The following GLB1L variants were observed in gnomAD, a reference collection of about 807,000 sequenced individuals.
The protein encoded by GLB1L is beta-galactosidase-1-like protein.
Under a neutral mutation model 75.7 loss-of-function variants are expected in GLB1L, and 58 were observed. The observed-to-expected ratio is 0.77, with a 90% CI of 0.62 to 0.95. GLB1L has a LOEUF of 0.95. Ranked by LOEUF, GLB1L falls within the 40% of genes least tolerant of loss-of-function variation. GLB1L has a pLI of 0.00. For synonymous variants in GLB1L, 296 were observed against 303.0 expected, an observed-to-expected ratio of 0.98 and a Z score of 0.24; for missense variants, 797 against 805.5, an observed-to-expected ratio of 0.99 and a Z score of 0.13.
chr2:219,238,540 C>T lies in GLB1L; in HGVS notation c.1182G>A (p.Gly394=). The change falls in exon 13 of 17, where the codon GGG becomes GGA. Residue 394 remains glycine, a synonymous_variant. Transcript: ENST00000295759. ...LAFLDLLCPR[G]PIHSILPMTF... ...TCATTGGCAAGATTGAATGAATGGG[C>T]CCACGGGGGCAAAGCAAGTCTAGGA... 1 of 1,614,094 alleles carries T rather than the reference C, an allele frequency of 6.2e-7. No homozygotes were observed. Among genetic ancestry groups the T allele is most frequent in the South Asian group, 1.1e-5 (1 of 91,090 alleles).
chr2:219,238,992 C>G lies in GLB1L; in HGVS notation c.1062+100G>C, dbSNP rs538807590. On this transcript the variant is annotated intron_variant, in intron 11 of 16. Transcript: ENST00000295759. ...GGGATGCTCAGAAGGCTCTGTGGCC[C>G]AGACAATAACCACCAATTTATGGGA... The G allele has an allele frequency of 3.3e-5, 31 of 940,146 alleles. No homozygotes were observed. In the African/African-American group the frequency reaches 4.4e-4, roughly 13 times the overall value. The allele number at this position is 940,146 out of a possible 1,614,324, so 58.2% of individuals were successfully genotyped here.
chr2:219,236,971 G>A lies in GLB1L; in HGVS notation c.*101C>T, dbSNP rs1057358044. On this transcript the variant is annotated 3_prime_UTR_variant, in exon 17 of 17. Transcript: ENST00000295759. ...AGTGGAGACGGGGTTTCACCATGTTGGCCAGGCTGGTCTTGAAGTCCTGAC... is the reference window on the plus strand; with the variant it reads ...AGTGGAGACGGGGTTTCACCATGTTAGCCAGGCTGGTCTTGAAGTCCTGAC... The A allele has an allele frequency of 4.9e-6, 4 of 814,866 alleles. No individual in the cohort carries two copies. In the South Asian group the frequency reaches 6.7e-5, roughly 14 times the overall value. 50.5% of individuals were successfully genotyped at this position (814,866 alleles called of 1,614,324 possible).
In GLB1L at chr2:219,238,745, G is replaced by A. The variant is rs150309380; in HGVS notation, c.1097C>T (p.Pro366Leu). 9.9e-6 allele frequency: 16 copies of A among 1,613,852 alleles called. No homozygotes were observed. The highest frequency in any genetic ancestry group is 6.6e-5 in the South Asian group (6 of 91,036). ...QEVPLGPLPP[P>L]SPKMMLGPVT... ...AGGTCCAAGCATCATCTTGGGGCTC[G>A]GGGGAGGTAAAGGTCCCAAAGGAAC... The change falls in exon 12 of 17, where the codon CCG becomes CTG. Residue 366 changes from proline to leucine, a missense_variant. Pro to Leu is a moderately conservative substitution (Grantham distance 98, BLOSUM62 -3). Transcript: ENST00000295759.
chr2:219,243,656 G>T lies in GLB1L; in HGVS notation c.-70-13C>A. 1.4e-6 allele frequency: 2 copies of T among 1,442,742 alleles called. No homozygotes were observed. The highest frequency in any genetic ancestry group is 1.9e-6 in the Non-Finnish European group (2 of 1,029,454). 89.4% of individuals were successfully genotyped at this position (1,442,742 alleles called of 1,614,324 possible). A position where few individuals can be genotyped will look rare whatever the true frequency, so the allele number is the denominator to read the frequency against. On this transcript the variant is annotated splice_polypyrimidine_tract_variant and intron_variant, in intron 1 of 16. Transcript: ENST00000295759. ...CCTGGGAGGGAACCTCAGCGAGCAA[G>T]GGGGCGGAAACCACCTCAAGTTGCC...
Position 219,241,424 on chromosome 2 carries a change from G to A in GLB1L, c.451+1090C>T, listed in dbSNP as rs1281017043. Among the ~76,000 whole-genome samples, 6 of 96,072 alleles carry A rather than the reference G, an allele frequency of 6.2e-5. 1 individual carries two copies. Among genetic ancestry groups the A allele is most frequent in the East Asian group, 5.0e-4 (1 of 1,994 alleles). The allele number at this position is 96,072 out of a possible 152,430, so 63.0% of individuals were successfully genotyped here. ...ATAATATATATATATGTGTGTGTGTGTGTGTGTGTGTGTGTGTGTATATAT... is the reference window on the plus strand; with the variant it reads ...ATAATATATATATATGTGTGTGTGTATGTGTGTGTGTGTGTGTGTATATAT... On this transcript the variant is annotated intron_variant, in intron 5 of 16. Coordinates refer to ENST00000295759, the MANE Select transcript of GLB1L (RefSeq NM_001286423.2).
intron 11 of GLB1L, 67 bp from the exon 12 acceptor site, chr2:219,238,846 G>A: frequency 5.7e-6 from 8 of 1,403,650 alleles, no homozygotes; most frequent in African/African-American, 1.4e-5. Context: ...CAAGACTCTA[G>A]GGCAGAGTTC....
At chr2:219,241,432 G>GTA (rs1215197601) in intron 5 of GLB1L, among the ~76,000 whole-genome samples, 5 of 68,848 alleles carry the variant, frequency 7.3e-5, no homozygotes, top group South Asian at 4.2e-4. Flanking sequence ...GTGTGTGTGT[G>GTA]TGTGTGTGTG....
chr2:219,239,960 G>C lies in GLB1L; in HGVS notation c.681C>G (p.Gly227=). The change falls in exon 7 of 17, where the codon GGC becomes GGG. Residue 227 remains glycine (G), a synonymous_variant. Transcript: ENST00000295759. ...CAGTGGTATAGAGTCCCCGGAGGGAGCCACACTTGAGTCCTTCAGGCCCAT... is the reference window on the plus strand; with the variant it reads ...CAGTGGTATAGAGTCCCCGGAGGGACCCACACTTGAGTCCTTCAGGCCCAT... ...TTDGPEGLKC[G]SLRGLYTTVD... 6.2e-7 allele frequency: 1 copy of C among 1,614,112 alleles called. No individual in the cohort carries two copies. The highest frequency in any genetic ancestry group is 8.5e-7 in the Non-Finnish European group (1 of 1,180,042).
In GLB1L at chr2:219,243,649, C is replaced by G; in HGVS notation, c.-70-6G>C. ...TCGGATTCCTGGGAGGGAACCTCAGCGAGCAAGGGGGCGGAAACCACCTCA... is the reference window on the plus strand; with the variant it reads ...TCGGATTCCTGGGAGGGAACCTCAGGGAGCAAGGGGGCGGAAACCACCTCA... On this transcript the variant is annotated splice_polypyrimidine_tract_variant and splice_region_variant and intron_variant, in intron 1 of 16. Transcript: ENST00000295759. 1.3e-6 allele frequency: 2 copies of G among 1,487,932 alleles called. No individual in the cohort carries two copies. Among genetic ancestry groups the G allele is most frequent in the Non-Finnish European group, 1.9e-6 (2 of 1,068,604 alleles). The allele number at this position is 1,487,932 out of a possible 1,614,324, so 92.2% of individuals were successfully genotyped here.
rs1404911873 is a variant in GLB1L at position 219,239,206 on chromosome 2, G to C, written c.948C>G (p.Ala316=). The C allele has an allele frequency of 1.9e-6, 3 of 1,608,058 alleles. No homozygotes were observed. The highest frequency in any genetic ancestry group is 2.6e-6 in the Non-Finnish European group (3 of 1,176,280). The change falls in exon 11 of 17, where the codon GCC becomes GCG. Residue 316 remains alanine, a synonymous_variant. Coordinates refer to ENST00000295759, the MANE Select transcript of GLB1L (RefSeq NM_001286423.2). ...GGTNFGYWNG[A]DKKGRFLPIT... The stretch of plus-strand genomic sequence containing the variant: ...TCGGAAGGAAGCGTCCCTTCTTATC[G>C]GCACCTGAAGTTGAGCCAATTTAAT...
chr2:219,239,431 G>T lies in GLB1L; in HGVS notation c.923C>A (p.Thr308Asn). Residue 308 changes from threonine (T) to asparagine (N), a missense_variant, in exon 10 of 17, where the codon ACC (threonine) becomes AAC (asparagine). Physicochemically the swap from Thr to Asn is moderately conservative, Grantham distance 65. Coordinates refer to ENST00000295759, the MANE Select transcript of GLB1L (RefSeq NM_001286423.2). The part of the protein sequence containing the change: ...SVNMYMFHGG[T>N]NFGYWNGADK... ...CTCACCATTCCAATATCCAAAGTTG[G>T]TACCTCCATGGAACATGTACCTGAA... The T allele has an allele frequency of 6.2e-7, 1 of 1,604,166 alleles. No individual in the cohort carries two copies. The highest frequency in any genetic ancestry group is 8.5e-7 in the Non-Finnish European group (1 of 1,174,346).
intron 2 of GLB1L, 83 bp downstream of exon 2, chr2:219,243,419 G>C (rs1480653067): frequency 6.3e-7 from 1 of 1,599,332 alleles, no homozygotes; most frequent in African/African-American, 1.3e-5. Context: ...GGGTTGTTTG[G>C]TTGTTACTTT....
At position 219,237,200 on chromosome 2, in the gene GLB1L, G is replaced by A. The variant is rs1409794352; in HGVS notation, c.1837C>T (p.Gln613Ter). 1.9e-6 allele frequency: 3 copies of A among 1,614,062 alleles called. No homozygotes were observed. The highest frequency in any genetic ancestry group is 2.5e-6 in the Non-Finnish European group (3 of 1,180,050). Reference sequence around the variant, plus strand: ...TTATCCAAAAATTGGACTTGGGGCTGGAGAGGTACATCTTCTAGTTCCAGC... The same window carrying A: ...TTATCCAAAAATTGGACTTGGGGCTAGAGAGGTACATCTTCTAGTTCCAGC... ...TLLELEDVPL[Q>*]PQVQFLDKPI... The change falls in exon 17 of 17, where the codon CAG (glutamine) becomes TAG (stop). Residue 613 changes from glutamine to a stop codon, truncating the protein, a stop_gained. Transcript: ENST00000295759. LOFTEE classifies it low-confidence loss of function (END_TRUNC).
At position 219,243,074 on chromosome 2, in the gene GLB1L, C is replaced by A. The variant is rs1004192428; in HGVS notation, c.239+74G>T. On this transcript the variant is annotated intron_variant, in intron 3 of 16. Transcript: ENST00000295759. ...CTAGGAGTCCTGGCAGTCTTCCTGT[C>A]CCGACCTTCTTTATAAGGGGGCGGT... The A allele has an allele frequency of 2.6e-6, 4 of 1,554,812 alleles. No individual in the cohort carries two copies. In the African/African-American group the frequency reaches 4.1e-5, roughly 16 times the overall value.
intron 5 of GLB1L, among the ~76,000 whole-genome samples, chr2:219,241,401 A>AAT (rs1255448318): frequency 0.21 from 17,751 of 82,926 alleles, 2,273 homozygotes; most frequent in Non-Finnish European, 0.27. Context: ...AAATAAAAAT[A>AAT]ATATATATAT....
Position 219,242,789 on chromosome 2 carries a change from G to A in GLB1L, c.369C>T (p.Tyr123=), listed in dbSNP as rs1481994858. ...TCACCATCTCCCACTCTGCACAGAT[G>A]TAAGGTCCTGGTCTCAGTATGACCA... ...NLLVILRPGP[Y]ICAEWEMGGL... Residue 123 remains tyrosine, a synonymous_variant, in exon 4 of 17, where the codon TAC becomes TAT. Transcript: ENST00000295759. The A allele has an allele frequency of 3.7e-6, 6 of 1,614,074 alleles. No homozygotes were observed. In the Admixed American group the frequency reaches 8.3e-5, roughly 22 times the overall value.
chr2:219,237,398 G>C, intron 16 of GLB1L, 51 bp from the exon 17 acceptor site: 9 of 1,600,774 alleles, frequency 5.6e-6, no homozygotes, highest in Non-Finnish European at 7.7e-6. Context: ...CAGCTCTCCA[G>C]GGGTAGAATC....
At chr2:219,245,069 C>T (rs1052426163) in intron 1 of GLB1L, among the ~76,000 whole-genome samples, 160 bp downstream of exon 1, 1 of 152,222 alleles carries the variant, frequency 6.6e-6, no homozygotes, top group Non-Finnish European at 1.5e-5. Context: ...AGCTCTTAAC[C>T]ACTGAGACTA....
chr2:219,238,414 C>T, intron 13 of GLB1L, 51 bp from the exon 14 acceptor site: 1 of 1,559,042 alleles, frequency 6.4e-7, no homozygotes, highest in Non-Finnish European at 8.8e-7. Context: ...AAAGAGGACA[C>T]TGTGACTATA....
Sources: gnomAD v4.1 joint callset for allele counts (sites outside exome capture counted in the v4.1 genomes callset) on GRCh38, gnomAD v4.1.1 for gene constraint, MANE v1.5 for transcripts, NCBI Gene and HGNC (gene_info 2026-07-23, HGNC 2026-07-21) for gene names.